ADGB: variants seen among roughly 807,000 people sequenced by gnomAD.
The protein encoded by ADGB is androglobin, also known as calpain-7-like protein.
Under a neutral mutation model 210.5 loss-of-function variants are expected in ADGB, and 172 were observed. The observed-to-expected ratio is 0.82, with a 90% CI of 0.72 to 0.93. The LOEUF is 0.93. ADGB is among the 40% of genes least tolerant of loss of function. ADGB has a pLI of 0.00. For synonymous variants in ADGB, 658 were observed against 662.7 expected, an observed-to-expected ratio of 0.99 and a Z score of 0.11; for missense variants, 2,025 against 1,964.8, an observed-to-expected ratio of 1.03 and a Z score of -0.58.
At chr6:146,634,644 T>C (rs900581578) in intron 1 of ADGB, among the ~76,000 whole-genome samples, 1 of 151,898 alleles carries the variant, frequency 6.6e-6, no homozygotes. Context: ...AGTAGAAAAA[T>C]AGTCAAAATC....
At chr6:146,691,045 T>G in intron 10 of ADGB, 71 bp from the exon 11 acceptor site, 1 of 1,347,094 alleles carries the variant, frequency 7.4e-7, no homozygotes, top group Non-Finnish European at 9.8e-7. Flanking sequence ...TTCGTGATAG[T>G]ATTTTTACAT....
At chr6:146,703,447 A>C (rs893545856) in intron 13 of ADGB, among the ~76,000 whole-genome samples, 2 of 151,788 alleles carry the variant, frequency 1.3e-5, no homozygotes, top group Admixed American at 1.3e-4. Flanking sequence ...CCCGTGTTGC[A>C]AATCAGATCT....
At position 146,815,326 on chromosome 6, in the gene ADGB, C is replaced by G. The variant is rs757357023; in HGVS notation, c.*109C>G. 12 of 863,510 alleles carry G rather than the reference C, an allele frequency of 1.4e-5. No homozygotes were observed. Among genetic ancestry groups the G allele is most frequent in the Non-Finnish European group, 1.9e-5 (12 of 620,092 alleles). 53.5% of individuals were successfully genotyped at this position (863,510 alleles called of 1,614,324 possible). On this transcript the variant is annotated 3_prime_UTR_variant, in exon 36 of 36. Transcript: ENST00000397944. ...AGGCCAAATGAAAATAGAAATTTCT[C>G]TTTCTTAGAAATATTTTAATGCTAA...
chr6:146,662,848 T>G (rs915373370), intron 5 of ADGB, among the ~76,000 whole-genome samples: 2 of 150,738 alleles, frequency 1.3e-5, no homozygotes, highest in Non-Finnish European at 3.0e-5. Flanking sequence ...AAGCCTCTGA[T>G]GTACTATTCT....
chr6:146,715,880 C>A (rs1347108776), intron 14 of ADGB, among the ~76,000 whole-genome samples: 3 of 150,182 alleles, frequency 2.0e-5, no homozygotes, highest in Non-Finnish European at 4.5e-5. Flanking sequence ...CCATCCTGGC[C>A]AACATGGTGA....
chr6:146,651,460 C>T (rs553843980), intron 3 of ADGB, among the ~76,000 whole-genome samples: 84 of 152,148 alleles, frequency 5.5e-4, no homozygotes, highest in Non-Finnish European at 1.0e-3. Context: ...AATGGCCAGG[C>T]TTATGCCCTT....
intron 1 of ADGB, among the ~76,000 whole-genome samples, chr6:146,630,680 C>G (rs1781051944): frequency 6.6e-6 from 1 of 152,150 alleles, no homozygotes. Context: ...TCTTTTGTTT[C>G]AATATATACA....
intron 35 of ADGB, chr6:146,802,307 C>T (rs1778147059): frequency 5.3e-6 from 1 of 187,764 alleles, no homozygotes; most frequent in Non-Finnish European, 1.1e-5. Context: ...GGATGAAGAT[C>T]ATATTAATCA....
At chr6:146,815,006 T>A (rs768268821) in intron 35 of ADGB, 26 bp from the exon 36 acceptor site, 158 of 1,518,878 alleles carry the variant, frequency 1.0e-4, no homozygotes, top group Non-Finnish European at 1.4e-4. Context: ...TGGAACTTAT[T>A]TGTTTGGGGT....
chr6:146,735,990 G>T (rs763905237), intron 22 of ADGB, among the ~76,000 whole-genome samples: 19 of 152,170 alleles, frequency 1.2e-4, no homozygotes, highest in Non-Finnish European at 4.4e-5. Flanking sequence ...ATTAAGATAG[G>T]ATAATTAGAA....
intron 5 of ADGB, among the ~76,000 whole-genome samples, chr6:146,659,628 A>T (rs1775828761): frequency 1.3e-5 from 2 of 152,158 alleles, no homozygotes; most frequent in African/African-American, 4.8e-5. Flanking sequence ...TATTATTTCC[A>T]GTTTGGATTC....
At chr6:146,740,727 G>C in intron 24 of ADGB, 134 bp downstream of exon 24, 1 of 814,922 alleles carries the variant, frequency 1.2e-6, no homozygotes, top group Non-Finnish European at 1.8e-6. Context: ...TTCCACACTT[G>C]GCATTTTAAA....
At chr6:146,684,272 T>TA (rs979138606) in intron 9 of ADGB, among the ~76,000 whole-genome samples, 2 of 152,096 alleles carry the variant, frequency 1.3e-5, no homozygotes, top group Non-Finnish European at 1.5e-5. Context: ...GAAGATAGAT[T>TA]AAAAAAACTG....
At chr6:146,691,367 A>G (rs1776305001) in intron 11 of ADGB, 77 bp downstream of exon 11, 3 of 1,184,336 alleles carry the variant, frequency 2.5e-6, no homozygotes, top group African/African-American at 3.6e-5. Context: ...TGAAAGATGT[A>G]TGTCAAGGTA....
intron 3 of ADGB, among the ~76,000 whole-genome samples, chr6:146,645,278 T>C (rs561471062): frequency 6.6e-6 from 1 of 152,166 alleles, no homozygotes; most frequent in South Asian, 2.1e-4. Context: ...TAGATACCTC[T>C]ATTTCAGGGA....
chr6:146,644,420 A>T (rs1336318724), intron 2 of ADGB, among the ~76,000 whole-genome samples: 2 of 151,872 alleles, frequency 1.3e-5, no homozygotes, highest in African/African-American at 2.4e-5. Context: ...AAATTTTTTC[A>T]ATGGAGAATG....
intron 9 of ADGB, among the ~76,000 whole-genome samples, chr6:146,682,293 T>C (rs1776168655): frequency 6.6e-6 from 1 of 151,978 alleles, no homozygotes; most frequent in African/African-American, 2.4e-5. Flanking sequence ...AATATGCTTA[T>C]AGAAAGCAAA....
chr6:146,753,716 T>C (rs1407056338), intron 27 of ADGB, among the ~76,000 whole-genome samples: 2 of 151,916 alleles, frequency 1.3e-5, no homozygotes, highest in Non-Finnish European at 2.9e-5. Flanking sequence ...AGTTTAGTTT[T>C]AATTTTGAAT....
At chr6:146,811,821 G>C (rs1030626412) in intron 35 of ADGB, among the ~76,000 whole-genome samples, 46 of 152,064 alleles carry the variant, frequency 3.0e-4, no homozygotes, top group Admixed American at 1.3e-3. Context: ...ACAGGTGTGT[G>C]CCACCACGCC....
Sources: gnomAD v4.1 joint callset for allele counts (sites outside exome capture counted in the v4.1 genomes callset) on GRCh38, gnomAD v4.1.1 for gene constraint, MANE v1.5 for transcripts, NCBI Gene and HGNC (gene_info 2026-07-23, HGNC 2026-07-21) for gene names.